PPP6R3: variants seen among roughly 807,000 people sequenced by gnomAD.
PPP6R3 encodes protein phosphatase 6 regulatory subunit 3, also known as serine/threonine-protein phosphatase 6 regulatory subunit 3.
In PPP6R3, 38 loss-of-function variants were observed where a neutral mutation model predicts 110.7. The observed-to-expected ratio is 0.34, with a 90% CI of 0.26 to 0.45. PPP6R3 has a LOEUF of 0.45. Ranked by LOEUF, PPP6R3 falls within the 20% of genes least tolerant of loss-of-function variation. The pLI is 1.00. For missense variants in PPP6R3, 870 were observed against 1,062.4 expected, an observed-to-expected ratio of 0.82 and a Z score of 2.52; for synonymous variants, 369 against 373.5, an observed-to-expected ratio of 0.99 and a Z score of 0.14.
At chr11:68,523,640 T>A (rs1295830586) in intron 2 of PPP6R3, among the ~76,000 whole-genome samples, 1 of 151,202 alleles carries the variant, frequency 6.6e-6, no homozygotes, top group Non-Finnish European at 1.5e-5. Flanking sequence ...GTGCAGGCCC[T>A]AAGGAGAGCC....
chr11:68,594,322 A>AAGAGAGAGTGAG (rs2099605848), intron 18 of PPP6R3, among the ~76,000 whole-genome samples: 7 of 125,470 alleles, frequency 5.6e-5, no homozygotes, highest in African/African-American at 2.0e-4. Context: ...GAGAGAGAAA[A>AAGAGAGAGTGAG]AGAGAGAGAG....
At chr11:68,495,280 T>TA (rs1315668300) in intron 1 of PPP6R3, among the ~76,000 whole-genome samples, 1 of 152,196 alleles carries the variant, frequency 6.6e-6, no homozygotes, top group Non-Finnish European at 1.5e-5. Context: ...CTAAAACCCT[T>TA]AAAAAACAAT....
intron 5 of PPP6R3, 59 bp downstream of exon 5, chr11:68,548,263 CA>C (rs2099356998): frequency 6.3e-7 from 1 of 1,591,438 alleles, no homozygotes; most frequent in East Asian, 2.3e-5. Context: ...GTGAGCCCAC[CA>C]GGCTGCTGTG....
chr11:68,506,861 A>G (rs2153511494), intron 1 of PPP6R3, among the ~76,000 whole-genome samples: 1 of 152,268 alleles, frequency 6.6e-6, no homozygotes, highest in African/African-American at 2.4e-5. Context: ...CAGCTTTTAC[A>G]TCAAATTAAG....
chr11:68,578,739 A>G (rs2099541574), intron 14 of PPP6R3, among the ~76,000 whole-genome samples: 1 of 152,216 alleles, frequency 6.6e-6, no homozygotes, highest in South Asian at 2.1e-4. Flanking sequence ...CATTTTAGTT[A>G]AATTCTCTCT....
chr11:68,541,567 C>T lies in PPP6R3; in HGVS notation c.228-3271C>T, dbSNP rs115541673. ...AGAGGGAAAGGGCAGGAGTTTGGGT[C>T]TGGCCCTGTCACATTTGAAATGCCT... On this transcript the variant is annotated intron_variant, in intron 3 of 23. Coordinates refer to ENST00000393800, the MANE Select transcript of PPP6R3 (RefSeq NM_001164161.2). Among the ~76,000 whole-genome samples, 518 of 152,258 alleles carry T rather than the reference C, an allele frequency of 3.4e-3. 6 individuals are homozygous for T. Among genetic ancestry groups the T allele is most frequent in the African/African-American group, 0.012 (496 of 41,550 alleles).
chr11:68,461,506 G>GGGGGGGGGGGGCCCC (rs2098707549), intron 1 of PPP6R3, among the ~76,000 whole-genome samples: 1 of 123,846 alleles, frequency 8.1e-6, no homozygotes. Context: ...GGGGGGGTGG[G>GGGGGGGGGGGGCCCC]TGGTCCTTCT....
chr11:68,495,893 T>C (rs2099012363), intron 1 of PPP6R3, among the ~76,000 whole-genome samples: 1 of 152,250 alleles, frequency 6.6e-6, no homozygotes, highest in Non-Finnish European at 1.5e-5. Flanking sequence ...GTTTATCCTT[T>C]TGAGAAACTG....
intron 23 of PPP6R3, among the ~76,000 whole-genome samples, chr11:68,611,904 G>T (rs1943640930): frequency 6.6e-6 from 1 of 152,188 alleles, no homozygotes; most frequent in Admixed American, 6.5e-5. Context: ...TGGCAGGCGC[G>T]CTGTTTCCTG....
chr11:68,547,758 G>A (rs1180650095), intron 4 of PPP6R3, among the ~76,000 whole-genome samples: 1 of 152,082 alleles, frequency 6.6e-6, no homozygotes, highest in Non-Finnish European at 1.5e-5. Context: ...CTCTTTATAG[G>A]CATATTAAAT....
chr11:68,479,637 T>C (rs2098886948), intron 1 of PPP6R3, among the ~76,000 whole-genome samples: 1 of 152,202 alleles, frequency 6.6e-6, no homozygotes, highest in African/African-American at 2.4e-5. Context: ...CTAACCTCTT[T>C]CTTTCATTTT....
chr11:68,598,179 C>T (rs1406131371), intron 19 of PPP6R3, among the ~76,000 whole-genome samples: 1 of 152,144 alleles, frequency 6.6e-6, no homozygotes, highest in Non-Finnish European at 1.5e-5. Context: ...TGGAATCATA[C>T]AGTATTTATC....
intron 18 of PPP6R3, 136 bp from the exon 19 acceptor site, chr11:68,595,961 C>G: frequency 9.1e-7 from 1 of 1,102,910 alleles, no homozygotes; most frequent in Non-Finnish European, 1.3e-6. Context: ...GGCATCCTGA[C>G]CACGTGGTGC....
chr11:68,594,522 T>C (rs1011922474), intron 18 of PPP6R3, among the ~76,000 whole-genome samples: 5 of 152,142 alleles, frequency 3.3e-5, no homozygotes, highest in Non-Finnish European at 7.4e-5. Flanking sequence ...AATTTAAATA[T>C]GTAGGGACAA....
At chr11:68,498,099 A>C (rs2099028517) in intron 1 of PPP6R3, among the ~76,000 whole-genome samples, 1 of 152,222 alleles carries the variant, frequency 6.6e-6, no homozygotes, top group Admixed American at 6.5e-5. Context: ...CTTTGTGCTC[A>C]GTATAAACAC....
At chr11:68,514,265 C>T (rs971950626) in intron 1 of PPP6R3, among the ~76,000 whole-genome samples, 10 of 152,202 alleles carry the variant, frequency 6.6e-5, no homozygotes, top group Admixed American at 5.9e-4. Context: ...GGGGTGGGAT[C>T]TCACTGTGTT....
intron 12 of PPP6R3, among the ~76,000 whole-genome samples, chr11:68,571,515 A>G (rs529868663): frequency 5.9e-5 from 9 of 152,246 alleles, no homozygotes; most frequent in South Asian, 4.1e-4. Context: ...TGCTTTGTAC[A>G]GGGACCTAGA....
chr11:68,551,973 G>A (rs1249730314), intron 6 of PPP6R3, among the ~76,000 whole-genome samples: 1 of 152,178 alleles, frequency 6.6e-6, no homozygotes, highest in Non-Finnish European at 1.5e-5. Flanking sequence ...TTAGTCCTAG[G>A]TGCTAAAGGT....
intron 8 of PPP6R3, among the ~76,000 whole-genome samples, chr11:68,559,209 G>A (rs568328443): frequency 1.3e-5 from 2 of 152,336 alleles, no homozygotes; most frequent in South Asian, 4.1e-4. Context: ...TGAGCTTTGA[G>A]GACAAATTTC....
Sources: gnomAD v4.1 joint callset for allele counts (sites outside exome capture counted in the v4.1 genomes callset) on GRCh38, gnomAD v4.1.1 for gene constraint, MANE v1.5 for transcripts, NCBI Gene and HGNC (gene_info 2026-07-23, HGNC 2026-07-21) for gene names.